The following TRAPPC12 variants were observed in gnomAD, a reference collection of about 807,000 sequenced individuals.
The protein encoded by TRAPPC12 is TPR repeat protein 15.
A neutral mutation model predicts 69.2 loss-of-function variants in TRAPPC12; 61 were observed. That is an observed-to-expected ratio of 0.88 (90% CI 0.72 to 1.09). The LOEUF (loss-of-function observed/expected upper bound fraction) is 1.09. Among genes scored for constraint, TRAPPC12 ranks in the 50% least tolerant of loss-of-function variants. TRAPPC12 has a pLI of 0.00. For synonymous variants in TRAPPC12, 469 were observed against 438.9 expected (o/e 1.07, Z -0.86); for missense variants, 1,101 against 1,016.4 (o/e 1.08, Z -1.13).
intron 2 of TRAPPC12, among the ~76,000 whole-genome samples, chr2:3,392,334 G>A (rs1466005680): frequency 6.6e-6 from 1 of 152,116 alleles, no homozygotes; most frequent in African/African-American, 2.4e-5. Context: ...CTACCCGCCA[G>A]CCCAGACCAG....
chr2:3,470,477 A>G (rs1666015729), intron 9 of TRAPPC12, among the ~76,000 whole-genome samples: 1 of 152,250 alleles, frequency 6.6e-6, no homozygotes, highest in African/African-American at 2.4e-5. Context: ...CTCAGCTGAT[A>G]GTGGGCACTG....
intron 8 of TRAPPC12, among the ~76,000 whole-genome samples, 155 bp from the exon 9 acceptor site, chr2:3,465,442 G>A (rs1202345667): frequency 6.6e-6 from 1 of 152,210 alleles, no homozygotes; most frequent in Non-Finnish European, 1.5e-5. Context: ...CCTGGCAGCC[G>A]AGCACCGCGT....
chr2:3,380,563 A>G (rs1174740351), intron 1 of TRAPPC12, among the ~76,000 whole-genome samples: 1 of 152,168 alleles, frequency 6.6e-6, no homozygotes, highest in African/African-American at 2.4e-5. Context: ...TTTAATGGCT[A>G]CTTGAAGATA....
intron 10 of TRAPPC12, 173 bp from the exon 11 acceptor site, chr2:3,478,673 T>A: frequency 1.7e-6 from 1 of 596,014 alleles, no homozygotes; most frequent in Non-Finnish European, 3.0e-6. Context: ...GGCTTTAATG[T>A]GCGAGCCTGA....
chr2:3,431,059 G>C (rs1249341749), intron 5 of TRAPPC12, among the ~76,000 whole-genome samples: 3 of 152,246 alleles, frequency 2.0e-5, no homozygotes, highest in Non-Finnish European at 4.4e-5. Flanking sequence ...CTACACAGTT[G>C]CTGACTTGCA....
At chr2:3,450,240 A>G (rs980357796) in intron 6 of TRAPPC12, among the ~76,000 whole-genome samples, 1 of 152,248 alleles carries the variant, frequency 6.6e-6, no homozygotes, top group African/African-American at 2.4e-5. Flanking sequence ...AGCGGGCATG[A>G]TAGCCCAGAG....
intron 3 of TRAPPC12, among the ~76,000 whole-genome samples, chr2:3,415,659 C>T (rs549423546): frequency 7.2e-5 from 11 of 151,732 alleles, no homozygotes; most frequent in African/African-American, 2.4e-4. Context: ...CCAGCTCAGC[C>T]TCCCACAGTG....
intron 3 of TRAPPC12, among the ~76,000 whole-genome samples, chr2:3,419,429 C>T (rs1662645661): frequency 6.6e-6 from 1 of 152,142 alleles, no homozygotes; most frequent in Admixed American, 6.6e-5. Context: ...AGTAAATTAT[C>T]GTAACCAATC....
At chr2:3,393,402 G>A (rs1660938362) in intron 2 of TRAPPC12, among the ~76,000 whole-genome samples, 1 of 152,116 alleles carries the variant, frequency 6.6e-6, no homozygotes, top group South Asian at 2.1e-4. Flanking sequence ...AAGGAATGCT[G>A]GGGATGGAAT....
chr2:3,426,096 T>A (rs987227216), intron 5 of TRAPPC12, among the ~76,000 whole-genome samples: 12 of 152,238 alleles, frequency 7.9e-5, no homozygotes, highest in Admixed American at 7.9e-4. Flanking sequence ...TATCCCAGAA[T>A]TGATGGAGAT....
chr2:3,465,085 A>AC (rs11436360), intron 8 of TRAPPC12, among the ~76,000 whole-genome samples: 1 of 152,330 alleles, frequency 6.6e-6, no homozygotes, highest in East Asian at 1.9e-4. Flanking sequence ...GACCTCCATC[A>AC]CATACTCAGC....
At position 3,433,042 on chromosome 2, in the gene TRAPPC12, G is replaced by A. The variant is rs185956701; in HGVS notation, c.1417+8379G>A. ...GACTTTCTCACTGTTTTTGTGTTTG[G>A]TTTGTTTTGTTTTGTTTTTAATTTA... On this transcript the variant is annotated intron_variant, in intron 5 of 11. Coordinates refer to ENST00000324266, the MANE Select transcript of TRAPPC12 (RefSeq NM_016030.6). Among the ~76,000 whole-genome samples the A allele has an allele frequency of 1.5e-3, 229 of 152,186 alleles. 3 individuals carry two copies. The highest frequency in any genetic ancestry group is 5.1e-3 in the African/African-American group (212 of 41,486).
At chr2:3,385,596 TTAA>T (rs1660452489) in intron 1 of TRAPPC12, among the ~76,000 whole-genome samples, 1 of 152,236 alleles carries the variant, frequency 6.6e-6, no homozygotes, top group South Asian at 2.1e-4. Context: ...AATTGTTTCT[TTAA>T]AAAGTTTCTT....
intron 2 of TRAPPC12, among the ~76,000 whole-genome samples, chr2:3,392,516 T>A (rs1049460094): frequency 6.6e-6 from 1 of 152,262 alleles, no homozygotes; most frequent in Non-Finnish European, 1.5e-5. Flanking sequence ...AGTTCTGGCC[T>A]CTTTGTCTTA....
intron 2 of TRAPPC12, among the ~76,000 whole-genome samples, chr2:3,391,351 A>G (rs544654258): frequency 7.2e-5 from 11 of 152,320 alleles, no homozygotes; most frequent in South Asian, 6.2e-4. Flanking sequence ...CAATAAGCCA[A>G]TCGTATGACT....
intron 6 of TRAPPC12, among the ~76,000 whole-genome samples, chr2:3,450,577 C>T (rs139273005): frequency 2.0e-5 from 3 of 152,288 alleles, no homozygotes; most frequent in East Asian, 3.9e-4. Flanking sequence ...TCAGTGACCT[C>T]GCATGGTGCC....
chr2:3,439,662 G>A (rs1438983943), intron 5 of TRAPPC12, among the ~76,000 whole-genome samples: 1 of 152,054 alleles, frequency 6.6e-6, no homozygotes, highest in Non-Finnish European at 1.5e-5. Context: ...TTAATACTAC[G>A]TTGGACAGAG....
intron 1 of TRAPPC12, among the ~76,000 whole-genome samples, chr2:3,384,116 G>C (rs191062521): frequency 1.3e-5 from 2 of 151,862 alleles, no homozygotes; most frequent in African/African-American, 2.4e-5. Context: ...GGCTGGTCTT[G>C]AACTTCTGAC....
intron 4 of TRAPPC12, 63 bp downstream of exon 4, chr2:3,422,057 G>T: frequency 1.6e-6 from 2 of 1,276,750 alleles, no homozygotes; most frequent in Non-Finnish European, 2.2e-6. Flanking sequence ...GACATGGACA[G>T]GACCATGGCC....
Sources: gnomAD v4.1 joint callset for allele counts (sites outside exome capture counted in the v4.1 genomes callset) on GRCh38, gnomAD v4.1.1 for gene constraint, MANE v1.5 for transcripts, NCBI Gene and HGNC (gene_info 2026-07-23, HGNC 2026-07-21) for gene names.